BDP1: variants seen among roughly 807,000 people sequenced by gnomAD.
BDP1 encodes the protein transcription factor TFIIIB component B'' homolog.
BDP1 carries 169 observed loss-of-function variants against 266.6 expected under a neutral mutation model. The observed-to-expected ratio is 0.63, with a 90% confidence interval of 0.56 to 0.72. The LOEUF (loss-of-function observed/expected upper bound fraction) is 0.72, where lower values mean the gene tolerates loss of function less well. BDP1 is among the 30% of genes least tolerant of loss of function. The pLI is 0.00. For missense variants in BDP1, 3,015 were observed against 3,053.8 expected, an observed-to-expected ratio of 0.99 and a Z score of 0.30; for synonymous variants, 1,090 against 1,022.4, an observed-to-expected ratio of 1.07 and a Z score of -1.26.
chr5:71,481,168 C>T (rs769948940), intron 7 of BDP1, among the ~76,000 whole-genome samples: 8 of 149,500 alleles, frequency 5.4e-5, no homozygotes, highest in East Asian at 2.0e-4. Flanking sequence ...AGCAAGATTC[C>T]GTCTCAAAAA....
At chr5:71,470,948 A>G (rs1762205435) in intron 7 of BDP1, among the ~76,000 whole-genome samples, 1 of 151,650 alleles carries the variant, frequency 6.6e-6, no homozygotes, top group Non-Finnish European at 1.5e-5. Context: ...TCTTTATTGA[A>G]AAGTAATATT....
intron 26 of BDP1, among the ~76,000 whole-genome samples, chr5:71,536,524 T>C (rs1023463894): frequency 4.6e-5 from 7 of 152,156 alleles, no homozygotes; most frequent in African/African-American, 1.7e-4. Flanking sequence ...GTGGTTTTCT[T>C]TAGGAAGCAA....
chr5:71,463,288 C>T (rs1313426803), intron 3 of BDP1, among the ~76,000 whole-genome samples: 1 of 152,140 alleles, frequency 6.6e-6, no homozygotes. Context: ...GTTTCTGAGG[C>T]AGGTTTATAA....
At chr5:71,536,342 T>C (rs768490572) in intron 26 of BDP1, among the ~76,000 whole-genome samples, 3 of 152,222 alleles carry the variant, frequency 2.0e-5, no homozygotes, top group Non-Finnish European at 4.4e-5. Context: ...TCCTTACATG[T>C]TGATAAACTG....
chr5:71,522,214 G>C, intron 22 of BDP1, 75 bp from the exon 23 acceptor site: 2 of 1,137,754 alleles, frequency 1.8e-6, no homozygotes, highest in South Asian at 2.9e-5. Context: ...ATCCAAAATT[G>C]TTTGATGTAA....
At chr5:71,457,000 T>C (rs1337676228) in intron 1 of BDP1, among the ~76,000 whole-genome samples, 1 of 152,196 alleles carries the variant, frequency 6.6e-6, no homozygotes, top group African/African-American at 2.4e-5. Context: ...GAGTGTATGG[T>C]GTTACGTTGA....
Position 71,485,352 on chromosome 5 carries a change from A to G in BDP1, c.1070-1132A>G, listed in dbSNP as rs150430499. On this transcript the variant is annotated intron_variant, in intron 8 of 38. Transcript: ENST00000358731. ...ATTTTTTTTTTAAATTAAAACCTAT[A>G]TAAGTTTTTTGAGAGAACTTATGTT... 9.9e-3 allele frequency among the ~76,000 whole-genome samples: 1,500 copies of G among 152,226 alleles called. 12 individuals are homozygous for G. The highest frequency in any genetic ancestry group is 0.015 in the Non-Finnish European group (1,042 of 68,016).
intron 26 of BDP1, among the ~76,000 whole-genome samples, chr5:71,538,466 A>C (rs1377837586): frequency 6.6e-6 from 1 of 152,200 alleles, no homozygotes; most frequent in Non-Finnish European, 1.5e-5. Context: ...GCAAATTTTC[A>C]GATTTTCTTG....
chr5:71,495,540 A>C lies in BDP1; in HGVS notation c.1799+132A>C, dbSNP rs1763834081. ...TTATTAATAGTAGAGGGAATCATTT[A>C]ATATGTAATTATACTGTAGTCTGTT... is the stretch of plus-strand genomic sequence containing the variant. On this transcript the variant is annotated intron_variant, in intron 12 of 38. Coordinates refer to ENST00000358731, the MANE Select transcript of BDP1 (RefSeq NM_018429.3). 5.7e-6 allele frequency: 3 copies of C among 525,310 alleles called. No homozygotes were observed. In the South Asian group the frequency reaches 1.3e-4, roughly 23 times the overall value. 32.5% of individuals were successfully genotyped at this position (525,310 alleles called of 1,614,324 possible).
At chr5:71,470,353 T>C in intron 6 of BDP1, 42 bp from the exon 7 acceptor site, 2 of 1,331,920 alleles carry the variant, frequency 1.5e-6, no homozygotes, top group Non-Finnish European at 1.1e-6. Context: ...GAAATATTGA[T>C]ATAATTAATT....
chr5:71,556,934 A>G lies in BDP1; in HGVS notation c.7240+9A>G, dbSNP rs1187743371. ...TGTTTTTGAGGAAACAGGTAAGTGA[A>G]ATACATTTTAACATGATTGCATTTT... On this transcript the variant is annotated intron_variant, in intron 36 of 38. Transcript: ENST00000358731. The G allele has an allele frequency of 7.0e-7, 1 of 1,420,454 alleles. No homozygotes were observed. The highest frequency in any genetic ancestry group is 9.4e-7 in the Non-Finnish European group (1 of 1,062,334). 88.0% of individuals were successfully genotyped at this position (1,420,454 alleles called of 1,614,324 possible).
intron 7 of BDP1, among the ~76,000 whole-genome samples, chr5:71,471,575 C>T (rs910346985): frequency 4.6e-5 from 7 of 152,192 alleles, no homozygotes; most frequent in Non-Finnish European, 1.0e-4. Flanking sequence ...TTGGGACAAC[C>T]AGTGGCACTA....
chr5:71,461,507 G>C (rs1761562871), intron 2 of BDP1, among the ~76,000 whole-genome samples: 1 of 151,960 alleles, frequency 6.6e-6, no homozygotes, highest in Non-Finnish European at 1.5e-5. Flanking sequence ...CCAGCTACTT[G>C]GGAGGCTGAG....
intron 7 of BDP1, among the ~76,000 whole-genome samples, chr5:71,482,218 C>T: frequency 6.6e-6 from 1 of 152,156 alleles, no homozygotes. Flanking sequence ...TACACAGTTC[C>T]TTTTTAGAAC....
intron 1 of BDP1, among the ~76,000 whole-genome samples, chr5:71,457,260 T>G (rs1346927647): frequency 6.6e-6 from 1 of 151,572 alleles, no homozygotes; most frequent in Non-Finnish European, 1.5e-5. Context: ...GGGAATATAA[T>G]TTGTTTTTTA....
intron 5 of BDP1, among the ~76,000 whole-genome samples, chr5:71,466,658 T>C (rs1761925666): frequency 6.6e-6 from 1 of 152,210 alleles, no homozygotes; most frequent in Admixed American, 6.5e-5. Flanking sequence ...ATTTTTGTTA[T>C]GGTGAGGTAT....
At chr5:71,545,755 A>G (rs549034686) in intron 32 of BDP1, among the ~76,000 whole-genome samples, 8 of 152,266 alleles carry the variant, frequency 5.3e-5, no homozygotes, top group African/African-American at 1.9e-4. Context: ...AAGAACATGT[A>G]TACATTATCC....
In BDP1 at chr5:71,456,102, A is replaced by G. The variant is rs757078467; in HGVS notation, c.212+13A>G. On this transcript the variant is annotated intron_variant, in intron 1 of 38. Coordinates refer to ENST00000358731, the MANE Select transcript of BDP1 (RefSeq NM_018429.3). ...CTCCTAGGAGCAGGTAAGAGGTTGC[A>G]GAGGGAAGAATTTTCATTTGTCCCG... 1.6e-5 allele frequency: 26 copies of G among 1,605,434 alleles called. No individual in the cohort carries two copies. Among genetic ancestry groups the G allele is most frequent in the Non-Finnish European group, 2.2e-5 (26 of 1,176,468 alleles).
At chr5:71,526,118 G>T (rs1157028258) in intron 25 of BDP1, among the ~76,000 whole-genome samples, 3 of 152,202 alleles carry the variant, frequency 2.0e-5, no homozygotes, top group Admixed American at 2.0e-4. Flanking sequence ...AGCGAGCCGA[G>T]ATCACGCCAC....
Sources: allele counts gnomAD v4.1 joint callset (sites outside exome capture counted in the v4.1 genomes callset), GRCh38; gene constraint gnomAD v4.1.1; transcripts MANE v1.5; gene names NCBI Gene and HGNC (gene_info 2026-07-23, HGNC 2026-07-21).